The following COCH variants were observed in gnomAD, a reference collection of about 807,000 sequenced individuals.
COCH encodes the protein coagulation factor C homolog, cochlin (Limulus polyphemus).
Under a neutral mutation model 54.8 loss-of-function variants are expected in COCH, and 40 were observed. The ratio of observed to expected loss-of-function variants is 0.73; its 90% CI spans 0.57 to 0.95. COCH has a LOEUF of 0.95. COCH is among the 40% of genes least tolerant of loss of function. COCH has a pLI of 0.00. For missense variants in COCH, 605 were observed against 675.0 expected (o/e 0.90, Z 1.15); for synonymous variants, 256 against 237.9 (o/e 1.08, Z -0.70).
At position 30,886,282 on chromosome 14, in the gene COCH, C is replaced by T; in HGVS notation, c.1447C>T (p.Gln483Ter). The change falls in exon 11 of 12, where the codon CAA becomes TAA. Residue 483 changes from glutamine to a stop codon, truncating the protein, a stop_gained. Coordinates refer to ENST00000396618, the MANE Select transcript of COCH (RefSeq NM_004086.3). LOFTEE classifies it high-confidence loss of function. Reference sequence around the variant, plus strand: ...AGATGGGCAGTCCTATGATGATGTCCAAGGCCCTGCAGCTGCTGCACATGA... The same window carrying T: ...AGATGGGCAGTCCTATGATGATGTCTAAGGCCCTGCAGCTGCTGCACATGA... ...VTDGQSYDDV[Q>*]GPAAAAHDAG... is the part of the protein sequence containing the mutation. 1 of 1,614,112 alleles carries T rather than the reference C, an allele frequency of 6.2e-7. No individual in the cohort carries two copies. The highest frequency in any genetic ancestry group is 8.5e-7 in the Non-Finnish European group (1 of 1,180,008).
rs887880415 is a variant in COCH at position 30,877,866 on chromosome 14, A to G, written c.239+138A>G. On this transcript the variant is annotated intron_variant, in intron 4 of 11. Transcript: ENST00000396618. The surrounding 1 kb of genome is among the most constrained non-coding windows in gnomAD (Gnocchi z 8.6). ...GGCCACAGAAAATGGATATATTTTC[A>G]CGGTTCTCCTGGATATACTTGAAAC... 3.4e-6 allele frequency: 5 copies of G among 1,450,258 alleles called. No individual in the cohort carries two copies. In the East Asian group the frequency reaches 7.3e-5, roughly 21 times the overall value. 89.8% of individuals were successfully genotyped at this position (1,450,258 alleles called of 1,614,324 possible).
intron 8 of COCH, among the ~76,000 whole-genome samples, chr14:30,881,189 T>C (rs574491858): frequency 7.4e-6 from 1 of 134,586 alleles, no homozygotes; most frequent in Non-Finnish European, 1.5e-5. Context: ...CACTCCAGCC[T>C]GGGCAACAGT....
chr14:30,877,606 G>A lies in COCH; in HGVS notation c.117G>A (p.Leu39=), dbSNP rs750779588. ...PIAITCFTRG[L]DIRKEKADVL... is the part of the protein sequence containing the mutation. The stretch of plus-strand genomic sequence containing the variant: ...CTATCACATGTTTTACCAGAGGCTT[G>A]GACATCAGGAAAGAGAAAGCAGATG... Residue 39 remains leucine, a synonymous_variant, in exon 4 of 12, where the codon TTG becomes TTA. Coordinates refer to ENST00000396618, the MANE Select transcript of COCH (RefSeq NM_004086.3). This position sits in a 1 kb window ranked among gnomAD's most constrained non-coding sequence, Gnocchi z 8.6. 2 of 1,614,180 alleles carry A rather than the reference G, an allele frequency of 1.2e-6. No homozygotes were observed. The highest frequency in any genetic ancestry group is 1.7e-5 in the Admixed American group (1 of 60,030).
At chr14:30,882,243 C>T (rs541017835) in intron 8 of COCH, among the ~76,000 whole-genome samples, 2 of 138,896 alleles carry the variant, frequency 1.4e-5, no homozygotes, top group South Asian at 4.7e-4. Flanking sequence ...GATTCTCCTG[C>T]CTCAGCCTCC....
intron 7 of COCH, 34 bp downstream of exon 7, chr14:30,880,530 AT>A: frequency 1.2e-6 from 2 of 1,614,126 alleles, no homozygotes; most frequent in Non-Finnish European, 8.5e-7. Context: ...GGAAGGTAGC[AT>A]TTTCCCTCCC....
chr14:30,895,308 G>T, downstream of COCH: 1 of 1,232,078 alleles, frequency 8.1e-7, no homozygotes, highest in Non-Finnish European at 1.1e-6. Flanking sequence ...GCCTTCACCA[G>T]GCAGATCACA....
chr14:30,880,349 C>T, intron 6 of COCH, 103 bp from the exon 7 acceptor site: 8 of 1,523,968 alleles, frequency 5.2e-6, no homozygotes, highest in Non-Finnish European at 7.1e-6. Context: ...TAAAAAAGTC[C>T]TTTCAAGAAT....
intron 8 of COCH, among the ~76,000 whole-genome samples, chr14:30,882,768 A>G (rs1895659552): frequency 6.6e-6 from 1 of 152,194 alleles, no homozygotes; most frequent in Non-Finnish European, 1.5e-5. Flanking sequence ...TCATGCCTGT[A>G]GTGCCAGCTG....
At chr14:30,886,358 T>G in intron 11 of COCH, 46 bp downstream of exon 11, 1 of 1,603,448 alleles carries the variant, frequency 6.2e-7, no homozygotes, top group Non-Finnish European at 8.5e-7. Context: ...AAAAAACGGT[T>G]CAGTGAATTT....
downstream of COCH, chr14:30,895,053 CAAAAAAA>C (rs35858438): frequency 1.1e-4 from 3 of 26,562 alleles, no homozygotes; most frequent in Non-Finnish European, 1.7e-4. Flanking sequence ...ACACAGAGTC[CAAAAAAA>C]AAAAAAAAAA....
Position 30,880,791 on chromosome 14 carries a change from A to C in COCH, c.629+57A>C, listed in dbSNP as rs7161533. ...AAAAAAATTATTTTGTAATTGACAC[A>C]TAATAATTATATATACTTATGGGGT... On this transcript the variant is annotated intron_variant, in intron 8 of 11. Coordinates refer to ENST00000396618, the MANE Select transcript of COCH (RefSeq NM_004086.3). The C allele has an allele frequency of 9.9e-4, 1,205 of 1,223,230 alleles. 14 individuals are homozygous for C. The African/African-American group carries it at 0.014, about 15-fold the overall frequency. The allele number at this position is 1,223,230 out of a possible 1,614,324, so 75.8% of individuals were successfully genotyped here. A position where few individuals can be genotyped will look rare whatever the true frequency, so the allele number is the denominator to read the frequency against.
intron 11 of COCH, among the ~76,000 whole-genome samples, chr14:30,887,859 A>G (rs1895844827): frequency 6.6e-6 from 1 of 152,234 alleles, no homozygotes; most frequent in African/African-American, 2.4e-5. Context: ...CTAGCCTGTG[A>G]AGTAAAGACC....
At chr14:30,876,901 C>A (rs1895374635) in intron 3 of COCH, among the ~76,000 whole-genome samples, 1 of 151,994 alleles carries the variant, frequency 6.6e-6, no homozygotes, top group Non-Finnish European at 1.5e-5. Context: ...CGGGCTCAAG[C>A]AATCCTCCCA....
At chr14:30,895,203 T>A (rs1594399908), downstream of COCH, 2 of 568,126 alleles carry the variant, frequency 3.5e-6, no homozygotes, top group East Asian at 5.9e-5. Flanking sequence ...ACTGGAGTCC[T>A]TTTTTCTTTG....
chr14:30,879,064 C>CCT, intron 5 of COCH, 120 bp downstream of exon 5: 2 of 1,413,044 alleles, frequency 1.4e-6, no homozygotes, highest in Non-Finnish European at 2.0e-6. Flanking sequence ...CTAAAGCTGA[C>CCT]CTATAGAGGT....
chr14:30,893,182 GTC>G (rs1461730156), downstream of COCH, among the ~76,000 whole-genome samples: 1 of 126,898 alleles, frequency 7.9e-6, no homozygotes, highest in Non-Finnish European at 1.6e-5. Context: ...TTGAGACGGA[GTC>G]TCTGTCACCC....
chr14:30,876,035 G>A (rs768401083), intron 3 of COCH: 13 of 152,200 alleles, frequency 8.5e-5, no homozygotes, highest in Non-Finnish European at 1.9e-4. Flanking sequence ...TAAGGTACCT[G>A]TCACCACAAA....
chr14:30,879,064 C>T, intron 5 of COCH, 120 bp downstream of exon 5: 1 of 1,413,044 alleles, frequency 7.1e-7, no homozygotes, highest in Non-Finnish European at 9.9e-7. Flanking sequence ...CTAAAGCTGA[C>T]CTATAGAGGT....
intron 9 of COCH, chr14:30,885,136 C>G (rs974517213): frequency 1.4e-6 from 2 of 1,468,528 alleles, no homozygotes; most frequent in Non-Finnish European, 1.8e-6. Context: ...GTGGGGTAAA[C>G]AAATGTGAGG....
Sources: gnomAD v4.1 joint callset for allele counts (sites outside exome capture counted in the v4.1 genomes callset) on GRCh38, gnomAD v4.1.1 for gene constraint, Gnocchi (gnomAD v3.1) non-coding constraint, MANE v1.5 for transcripts, NCBI Gene and HGNC (gene_info 2026-07-23, HGNC 2026-07-21) for gene names.